The following EPHB2 variants were observed in gnomAD, a reference collection of about 807,000 sequenced individuals.
The protein encoded by EPHB2 is ephrin type-B receptor 2.
In EPHB2, 18 loss-of-function variants were observed where a neutral mutation model predicts 96.4. The observed-to-expected ratio is 0.19, with a 90% CI of 0.13 to 0.28. EPHB2 has a LOEUF of 0.28. Ranked by LOEUF, EPHB2 falls within the 10% of genes least tolerant of loss-of-function variation. EPHB2 has a pLI of 1.00. For missense variants in EPHB2, 989 were observed against 1,355.4 expected, an observed-to-expected ratio of 0.73 and a Z score of 4.25; for synonymous variants, 506 against 534.1, an observed-to-expected ratio of 0.95 and a Z score of 0.72.
chr1:22,910,547 C>T lies in EPHB2; in HGVS notation c.2668C>T (p.Leu890Phe). 1 of 1,614,188 alleles carries T rather than the reference C, an allele frequency of 6.2e-7. No individual in the cohort carries two copies. The highest frequency in any genetic ancestry group is 8.5e-7 in the Non-Finnish European group (1 of 1,180,022). Residue 890 changes from leucine to phenylalanine, a missense_variant, in exon 14 of 16, where the codon CTC (leucine) becomes TTC (phenylalanine). By Grantham distance (22) the Leu-to-Phe change is conservative. Coordinates refer to ENST00000374630, the MANE Select transcript of EPHB2 (RefSeq NM_017449.5). ...LDKMIRNPNS[L>F]KAMAPLSSGI... ...CAAGATGATCCGCAATCCCAACAGC[C>T]TCAAAGCCATGGCGCCCCTCTCCTC...
chr1:22,778,732 T>G (rs1011819535), intron 1 of EPHB2, among the ~76,000 whole-genome samples: 2 of 152,218 alleles, frequency 1.3e-5, no homozygotes, highest in African/African-American at 2.4e-5. Flanking sequence ...TTTGGGCCAC[T>G]GCTTTGGGCC....
rs1389705164 is a variant in EPHB2, at chr1:22,754,249, T to C, written c.62-27172T>C. ...TGCTCAGAAACCTCCCGTCTTGTGG[T>C]TCCCAGCTGTCAGTCTCAATTTCTA... On this transcript the variant is annotated intron_variant, in intron 1 of 15. Coordinates refer to ENST00000374630, the MANE Select transcript of EPHB2 (RefSeq NM_017449.5). Among the ~76,000 whole-genome samples the C allele has an allele frequency of 3.9e-5, 6 of 152,150 alleles. No homozygotes were observed. The East Asian group carries it at 7.7e-4, about 20-fold the overall frequency.
intron 3 of EPHB2, among the ~76,000 whole-genome samples, chr1:22,826,740 G>C (rs530176660): frequency 6.6e-6 from 1 of 151,632 alleles, no homozygotes; most frequent in South Asian, 2.1e-4. Context: ...ACCCAGGGAG[G>C]GTTTATGAAT....
At chr1:22,797,596 A>G (rs1644785282) in intron 3 of EPHB2, among the ~76,000 whole-genome samples, 1 of 151,802 alleles carries the variant, frequency 6.6e-6, no homozygotes, top group African/African-American at 2.4e-5. Flanking sequence ...CCAGACCTCT[A>G]TTCTGAAGTC....
chr1:22,904,680 C>T (rs773380041), intron 9 of EPHB2, among the ~76,000 whole-genome samples: 1 of 152,230 alleles, frequency 6.6e-6, no homozygotes, highest in Non-Finnish European at 1.5e-5. Flanking sequence ...CTACCCAACT[C>T]TGCTGTCATA....
chr1:22,878,090 G>A (rs532476739), intron 5 of EPHB2, among the ~76,000 whole-genome samples: 2 of 152,336 alleles, frequency 1.3e-5, no homozygotes, highest in Non-Finnish European at 2.9e-5. Flanking sequence ...AAATCCCAGA[G>A]GGTGATGTGA....
At chr1:22,883,331 G>C (rs1183054957) in intron 6 of EPHB2, among the ~76,000 whole-genome samples, 2 of 152,236 alleles carry the variant, frequency 1.3e-5, no homozygotes, top group Admixed American at 1.3e-4. Flanking sequence ...CCAAGTGGAT[G>C]TGGGGTCTGC....
chr1:22,769,310 T>C (rs947066736), intron 1 of EPHB2, among the ~76,000 whole-genome samples: 2 of 152,222 alleles, frequency 1.3e-5, no homozygotes, highest in African/African-American at 4.8e-5. Context: ...GCTTGGGAAC[T>C]AGTGGCAGGA....
intron 1 of EPHB2, among the ~76,000 whole-genome samples, chr1:22,760,434 C>G (rs769024299): frequency 6.6e-6 from 1 of 152,202 alleles, no homozygotes; most frequent in Admixed American, 6.5e-5. Context: ...CAGAGGCAGT[C>G]TTGATGACAT....
intron 5 of EPHB2, among the ~76,000 whole-genome samples, chr1:22,870,894 C>T (rs961411271): frequency 7.9e-5 from 12 of 152,232 alleles, no homozygotes; most frequent in Non-Finnish European, 1.5e-5. Context: ...TCATGGATAG[C>T]TTCGCCCTCT....
chr1:22,860,075 G>T lies in EPHB2; in HGVS notation c.812-2962G>T, dbSNP rs1263023983. Among the ~76,000 whole-genome samples the T allele has an allele frequency of 6.6e-6, 1 of 152,188 alleles. No individual in the cohort carries two copies. The highest frequency in any genetic ancestry group is 1.5e-5 in the Non-Finnish European group (1 of 68,042). On this transcript the variant is annotated intron_variant, in intron 3 of 15. Coordinates refer to ENST00000374630, the MANE Select transcript of EPHB2 (RefSeq NM_017449.5). The surrounding 1 kb of genome is among the most constrained non-coding windows in gnomAD (Gnocchi z 4.6). ...AGCACGATGTGTCCAGGGTTCACCTGTACCGTAGCATGTGTCAATGCTTCG... is the reference window on the plus strand; with the variant it reads ...AGCACGATGTGTCCAGGGTTCACCTTTACCGTAGCATGTGTCAATGCTTCG...
intron 3 of EPHB2, among the ~76,000 whole-genome samples, chr1:22,785,289 G>A (rs548267862): frequency 1.3e-5 from 2 of 152,342 alleles, no homozygotes; most frequent in East Asian, 1.9e-4. Flanking sequence ...CGCACATGCC[G>A]CAGGTGGTAT....
chr1:22,826,363 C>G (rs1359112459), intron 3 of EPHB2, among the ~76,000 whole-genome samples: 1 of 152,228 alleles, frequency 6.6e-6, no homozygotes, highest in Non-Finnish European at 1.5e-5. Context: ...CTGGGGTCTG[C>G]AAACCCCAGA....
intron 1 of EPHB2, among the ~76,000 whole-genome samples, chr1:22,729,486 G>C (rs1373650675): frequency 6.6e-6 from 1 of 152,218 alleles, no homozygotes; most frequent in Non-Finnish European, 1.5e-5. Flanking sequence ...GCCCTGTGCG[G>C]CCTGCTTCCT....
At chr1:22,838,724 C>G (rs1215531205) in intron 3 of EPHB2, among the ~76,000 whole-genome samples, 1 of 152,072 alleles carries the variant, frequency 6.6e-6, no homozygotes, top group Non-Finnish European at 1.5e-5. Context: ...GTCAGGAGAT[C>G]GAGCCCATCC....
In EPHB2 at chr1:22,909,247, G is replaced by A. The variant is rs1180680505; in HGVS notation, c.2502+76G>A. On this transcript the variant is annotated intron_variant, in intron 13 of 15. Coordinates refer to ENST00000374630, the MANE Select transcript of EPHB2 (RefSeq NM_017449.5). ...AGGGAAGATCGGGGCTCCTGGCCTT[G>A]TGCCAGTCTCCCAGAGTGTGGGACA... The A allele has an allele frequency of 6.8e-6, 11 of 1,608,204 alleles. 1 individual carries two copies. The South Asian group carries it at 1.1e-4, about 16-fold the overall frequency.
At chr1:22,716,507 C>T (rs1463900796) in intron 1 of EPHB2, among the ~76,000 whole-genome samples, 1 of 152,054 alleles carries the variant, frequency 6.6e-6, no homozygotes, top group Admixed American at 6.5e-5. Flanking sequence ...AATTTTTTTG[C>T]ATTTTTAGTG....
At chr1:22,815,178 C>G (rs941704265) in intron 3 of EPHB2, among the ~76,000 whole-genome samples, 2 of 152,128 alleles carry the variant, frequency 1.3e-5, no homozygotes, top group Admixed American at 6.5e-5. Context: ...TCTGGCCCAC[C>G]ACGTGCCTGC....
chr1:22,731,373 G>A (rs947042647), intron 1 of EPHB2, among the ~76,000 whole-genome samples: 6 of 152,112 alleles, frequency 3.9e-5, no homozygotes, highest in African/African-American at 9.7e-5. Context: ...GCGGACCACC[G>A]AGGGGCTCTG....
Sources: allele counts gnomAD v4.1 joint callset (sites outside exome capture counted in the v4.1 genomes callset), GRCh38; gene constraint gnomAD v4.1.1; non-coding constraint Gnocchi (gnomAD v3.1); transcripts MANE v1.5; gene names NCBI Gene and HGNC (gene_info 2026-07-23, HGNC 2026-07-21).